NAA11: variants seen among roughly 807,000 people sequenced by gnomAD.
NAA11 encodes the protein N-alpha-acetyltransferase 11.
NAA11 carries 15 observed loss-of-function variants against 16.1 expected under a neutral mutation model. The ratio of observed to expected loss-of-function variants is 0.93; its 90% CI spans 0.62 to 1.44. NAA11 has a LOEUF of 1.44. Among genes scored for constraint, NAA11 ranks in the 40% most tolerant of loss-of-function variants. The pLI is 0.00. For synonymous variants in NAA11, 122 were observed against 112.4 expected, an observed-to-expected ratio of 1.09 and a Z score of -0.54; for missense variants, 298 against 291.3, an observed-to-expected ratio of 1.02 and a Z score of -0.17.
intron 1 of NAA11, among the ~76,000 whole-genome samples, chr4:79,304,098 T>C (rs1723491278): frequency 6.6e-6 from 1 of 152,188 alleles, no homozygotes; most frequent in Admixed American, 6.5e-5. Flanking sequence ...GTTGTTAACA[T>C]ATTTGGACTA....
chr4:79,188,919 T>C, the NAA11 span, among the ~76,000 whole-genome samples: 9 of 151,032 alleles, frequency 6.0e-5, no homozygotes, highest in African/African-American at 2.2e-4. Context: ...TCACCAACAG[T>C]GAGAAGAGGA....
rs148957291 is a variant in NAA11, at chr4:79,266,824, G to A, written c.*122+27181C>T. Among the ~76,000 whole-genome samples, 390 of 152,224 alleles carry A rather than the reference G, an allele frequency of 2.6e-3. 3 individuals carry two copies. Among genetic ancestry groups the A allele is most frequent in the Non-Finnish European group, 4.3e-3 (294 of 67,998 alleles). ...TCATTGCATTTGGGAGTAGAAAGCA[G>A]AGACCAAGAGGAAGGAAAAGATACA... On this transcript the variant is annotated intron_variant and NMD_transcript_variant, in intron 2 of 2. Transcript: ENST00000511542.
the NAA11 span, among the ~76,000 whole-genome samples, chr4:79,208,820 A>G: frequency 1.3e-5 from 2 of 150,740 alleles, no homozygotes; most frequent in South Asian, 4.2e-4. Context: ...TAAAACTAAT[A>G]ATTTGGATTT....
At chr4:79,204,461 A>G in the NAA11 span, among the ~76,000 whole-genome samples, 24 of 151,740 alleles carry the variant, frequency 1.6e-4, no homozygotes, top group South Asian at 4.2e-4. Context: ...CCCAAAATTC[A>G]TAAGTTGAAT....
the NAA11 span, among the ~76,000 whole-genome samples, chr4:79,191,353 CT>C: frequency 7.1e-6 from 1 of 140,156 alleles, no homozygotes; most frequent in Non-Finnish European, 1.6e-5. Flanking sequence ...TTTTTTTTTA[CT>C]TTTTAATAAT....
intron 2 of NAA11, among the ~76,000 whole-genome samples, chr4:79,245,876 G>A (rs866012780): frequency 7.9e-5 from 12 of 152,350 alleles, no homozygotes; most frequent in South Asian, 6.2e-4. Flanking sequence ...CCTTCTGGGA[G>A]GTGTACCCAA....
Position 79,325,249 on chromosome 4 carries a change from T to G in NAA11, c.629A>C (p.Lys210Thr). The G allele has an allele frequency of 1.2e-6, 2 of 1,613,674 alleles. No homozygotes were observed. Among genetic ancestry groups the G allele is most frequent in the Non-Finnish European group, 1.7e-6 (2 of 1,179,740 alleles). ...EESGSDSKEP[K>T]ESVESTNVQD... ...GACGTTGGTGCTCTCCACAGACTCCTTAGGTTCTTTGCTGTCACTGCCACT... is the reference window on the plus strand; with the variant it reads ...GACGTTGGTGCTCTCCACAGACTCCGTAGGTTCTTTGCTGTCACTGCCACT... Residue 210 changes from lysine to threonine, a missense_variant, in exon 1 of 2, where the codon AAG (lysine) becomes ACG (threonine). Physicochemically the swap from Lys to Thr is moderately conservative, Grantham distance 78 (BLOSUM62 -1). Transcript: ENST00000286794.
At chr4:79,256,185 C>T in intron 2 of NAA11, among the ~76,000 whole-genome samples, 1 of 151,894 alleles carries the variant, frequency 6.6e-6, no homozygotes, top group South Asian at 2.1e-4. Flanking sequence ...CTTTTTCTTG[C>T]CTTATTTTGG....
chr4:79,271,570 G>T (rs561063698), intron 2 of NAA11, among the ~76,000 whole-genome samples: 1 of 151,906 alleles, frequency 6.6e-6, no homozygotes, highest in African/African-American at 2.4e-5. Context: ...TTTAATTAGG[G>T]GAAATAATTC....
the NAA11 span, among the ~76,000 whole-genome samples, chr4:79,165,900 G>T: frequency 6.6e-6 from 1 of 152,182 alleles, no homozygotes; most frequent in Non-Finnish European, 1.5e-5. Flanking sequence ...TTGCCTAAAA[G>T]TAAGTGGTAA....
At chr4:79,320,682 T>C (rs537291724) in intron 1 of NAA11, among the ~76,000 whole-genome samples, 14 of 152,348 alleles carry the variant, frequency 9.2e-5, no homozygotes, top group Middle Eastern at 3.4e-3. Context: ...TTATTACCAT[T>C]TTTTAGATGA....
At chr4:79,191,378 G>C in the NAA11 span, among the ~76,000 whole-genome samples, 1 of 151,836 alleles carries the variant, frequency 6.6e-6, no homozygotes, top group Non-Finnish European at 1.5e-5. Context: ...CATTCTGACT[G>C]GTGTGAGATG....
intron 2 of NAA11, among the ~76,000 whole-genome samples, chr4:79,252,234 C>T (rs753193202): frequency 2.6e-4 from 39 of 152,076 alleles, no homozygotes; most frequent in African/African-American, 8.2e-4. Flanking sequence ...CTACTGGGTA[C>T]GATGGATACT....
chr4:79,302,618 T>G (rs1166240148), intron 1 of NAA11, among the ~76,000 whole-genome samples: 2 of 152,210 alleles, frequency 1.3e-5, no homozygotes, highest in East Asian at 3.8e-4. Context: ...GCATTATATT[T>G]GTATATACAT....
intron 1 of NAA11, among the ~76,000 whole-genome samples, chr4:79,324,926 G>C (rs906212983): frequency 5.9e-5 from 9 of 152,164 alleles, no homozygotes; most frequent in Admixed American, 5.2e-4. Context: ...TGCCCAAAAA[G>C]CAGGATAAAT....
intron 2 of NAA11, among the ~76,000 whole-genome samples, chr4:79,250,941 A>G (rs899276845): frequency 4.6e-5 from 7 of 152,264 alleles, no homozygotes; most frequent in Non-Finnish European, 8.8e-5. Flanking sequence ...ACTAGTCAGA[A>G]TGGCTATAAT....
In NAA11 at chr4:79,317,155, T is replaced by G. The variant is rs1407595881; in HGVS notation, c.*649A>C. ...ATTTAATTACCGTTTGTCCTTTTCT[T>G]AAAATCTCCAAGTTCTGATTGTACA... On this transcript the variant is annotated 3_prime_UTR_variant, in exon 2 of 2. Coordinates refer to ENST00000286794, the MANE Select transcript of NAA11 (RefSeq NM_032693.3). 6.6e-6 allele frequency: 1 copy of G among 152,166 alleles called. No individual in the cohort carries two copies. Among genetic ancestry groups the G allele is most frequent in the Non-Finnish European group, 1.5e-5 (1 of 68,034 alleles). 9.4% of individuals were successfully genotyped at this position (152,166 alleles called of 1,614,324 possible).
intron 2 of NAA11, among the ~76,000 whole-genome samples, chr4:79,257,306 T>G (rs769544625): frequency 6.6e-6 from 1 of 152,248 alleles, no homozygotes; most frequent in Non-Finnish European, 1.5e-5. Context: ...TCATTTTGGT[T>G]GTCTGAAGCA....
intron 2 of NAA11, among the ~76,000 whole-genome samples, chr4:79,262,016 C>A (rs1162892333): frequency 6.6e-6 from 1 of 151,990 alleles, no homozygotes; most frequent in Non-Finnish European, 1.5e-5. Flanking sequence ...TTAGAGAGAA[C>A]TGGATATCTG....
Sources: gnomAD v4.1 joint callset for allele counts (sites outside exome capture counted in the v4.1 genomes callset) on GRCh38, gnomAD v4.1.1 for gene constraint, MANE v1.5 for transcripts, NCBI Gene and HGNC (gene_info 2026-07-23, HGNC 2026-07-21) for gene names.